Variants in RAP1GDS1 observed in about 807,000 individuals in gnomAD.
The protein encoded by RAP1GDS1 is Rap1 GTPase-GDP dissociation stimulator 1.
RAP1GDS1 carries 35 observed loss-of-function variants against 71.1 expected under a neutral mutation model. The observed-to-expected ratio is 0.49, with a 90% confidence interval of 0.38 to 0.65. The LOEUF (loss-of-function observed/expected upper bound fraction) is 0.65, where lower values mean the gene tolerates loss of function less well. Ranked by LOEUF, RAP1GDS1 falls within the 30% of genes least tolerant of loss-of-function variation. The pLI is 0.00. For missense variants in RAP1GDS1, 663 were observed against 706.1 expected, an observed-to-expected ratio of 0.94 and a Z score of 0.69; for synonymous variants, 229 against 243.1, an observed-to-expected ratio of 0.94 and a Z score of 0.54.
chr4:98,407,242 CTTTTT>C (rs999018091), intron 7 of RAP1GDS1, among the ~76,000 whole-genome samples: 26 of 150,938 alleles, frequency 1.7e-4, no homozygotes, highest in African/African-American at 6.3e-4. Flanking sequence ...AATCTTCTCT[CTTTTT>C]TTTTGTTAAT....
chr4:98,417,360 C>CA lies in RAP1GDS1; in HGVS notation c.908-7_908-6insA, dbSNP rs748546719. On this transcript the variant is annotated splice_polypyrimidine_tract_variant and splice_region_variant and intron_variant, in intron 8 of 14. Coordinates refer to ENST00000408927, the MANE Select transcript of RAP1GDS1 (RefSeq NM_001100427.2). ...CTTGCTTAACTATTCGTTTCATTTA[C>CA]CTCCAGATGAATCCATGCAGAAGTT... 1 of 1,606,678 alleles carries CA rather than the reference C, an allele frequency of 6.2e-7. No homozygotes were observed. The highest frequency in any genetic ancestry group is 1.1e-5 in the South Asian group (1 of 90,032).
chr4:98,421,502 G>C (rs1057105447), intron 12 of RAP1GDS1, 108 bp downstream of exon 12: 2 of 1,200,418 alleles, frequency 1.7e-6, no homozygotes, highest in Non-Finnish European at 1.1e-6. Flanking sequence ...AAAGTATTGT[G>C]AAGATTCAGT....
intron 12 of RAP1GDS1, among the ~76,000 whole-genome samples, chr4:98,424,417 CA>C (rs896719619): frequency 1.3e-5 from 2 of 151,706 alleles, no homozygotes; most frequent in African/African-American, 2.4e-5. Flanking sequence ...ACAAAAATCA[CA>C]AAAAAAACTC....
At chr4:98,291,286 A>G (rs1196181966) in intron 1 of RAP1GDS1, among the ~76,000 whole-genome samples, 1 of 152,160 alleles carries the variant, frequency 6.6e-6, no homozygotes, top group Non-Finnish European at 1.5e-5. Context: ...ACTAGACCAT[A>G]TGTTGATATA....
At chr4:98,367,816 C>T (rs1304380671) in intron 4 of RAP1GDS1, among the ~76,000 whole-genome samples, 1 of 152,056 alleles carries the variant, frequency 6.6e-6, no homozygotes, top group Non-Finnish European at 1.5e-5. Flanking sequence ...GCCTATAGCC[C>T]CATTGTATCT....
At chr4:98,301,828 C>T (rs1292239001) in intron 2 of RAP1GDS1, among the ~76,000 whole-genome samples, 2 of 152,090 alleles carry the variant, frequency 1.3e-5, no homozygotes, top group African/African-American at 2.4e-5. Context: ...TGGAGTTGTT[C>T]ACCTTTATAT....
At chr4:98,410,134 CTT>C (rs1187006603) in intron 7 of RAP1GDS1, among the ~76,000 whole-genome samples, 2 of 151,860 alleles carry the variant, frequency 1.3e-5, no homozygotes, top group African/African-American at 4.8e-5. Flanking sequence ...AGTTAAAACT[CTT>C]TTTTTAAAGA....
At chr4:98,425,051 C>T (rs918053964) in intron 12 of RAP1GDS1, among the ~76,000 whole-genome samples, 2 of 152,164 alleles carry the variant, frequency 1.3e-5, no homozygotes, top group African/African-American at 4.8e-5. Context: ...AGCAGAACCC[C>T]TACAAGCTAG....
intron 2 of RAP1GDS1, among the ~76,000 whole-genome samples, chr4:98,325,666 G>T (rs1179940235): frequency 6.7e-6 from 1 of 148,804 alleles, no homozygotes; most frequent in African/African-American, 2.5e-5. Flanking sequence ...GTAAACTATC[G>T]CAAGAACAAA....
intron 2 of RAP1GDS1, among the ~76,000 whole-genome samples, chr4:98,331,713 G>C (rs781638557): frequency 8.5e-5 from 13 of 152,074 alleles, no homozygotes; most frequent in Non-Finnish European, 1.8e-4. Context: ...TACAAGATGA[G>C]AGATACATTC....
At chr4:98,288,877 C>T (rs1473889657) in intron 1 of RAP1GDS1, among the ~76,000 whole-genome samples, 5 of 151,988 alleles carry the variant, frequency 3.3e-5, no homozygotes, top group African/African-American at 4.8e-5. Context: ...CATCTGTAGC[C>T]GCAGCAGCAG....
chr4:98,436,374 CTT>C (rs1024410283), intron 13 of RAP1GDS1, among the ~76,000 whole-genome samples: 4 of 152,126 alleles, frequency 2.6e-5, no homozygotes, highest in Non-Finnish European at 5.9e-5. Flanking sequence ...ATTCCTCACA[CTT>C]TATTCTTCTT....
In RAP1GDS1 at chr4:98,363,417, T is replaced by G. The variant is rs1478036604; in HGVS notation, c.361+10816T>G. 1.4e-4 allele frequency among the ~76,000 whole-genome samples: 19 copies of G among 137,484 alleles called. No homozygotes were observed. In the South Asian group the frequency reaches 1.6e-3, roughly 12 times the overall value. 90.2% of individuals were successfully genotyped at this position (137,484 alleles called of 152,430 possible). A position where few individuals can be genotyped will look rare whatever the true frequency, so the allele number is the denominator to read the frequency against. On this transcript the variant is annotated intron_variant, in intron 4 of 14. Coordinates refer to ENST00000408927, the MANE Select transcript of RAP1GDS1 (RefSeq NM_001100427.2). ...GAGGATCACTTGAGCCCAGGAGTTCTAGGCTGCAGTGAGCCATCACACCAC... is the reference window on the plus strand; with the variant it reads ...GAGGATCACTTGAGCCCAGGAGTTCGAGGCTGCAGTGAGCCATCACACCAC...
At chr4:98,382,548 G>T (rs1306911815) in intron 5 of RAP1GDS1, among the ~76,000 whole-genome samples, 2 of 151,214 alleles carry the variant, frequency 1.3e-5, no homozygotes, top group Non-Finnish European at 3.0e-5. Context: ...TATAATCCAA[G>T]GAACTCAAAC....
intron 4 of RAP1GDS1, among the ~76,000 whole-genome samples, chr4:98,371,028 G>A (rs1479858019): frequency 6.6e-5 from 10 of 152,002 alleles, no homozygotes; most frequent in Non-Finnish European, 1.0e-4. Context: ...TGAATGTGTG[G>A]ATTTATCCCT....
At chr4:98,435,322 T>A (rs1750986263) in intron 13 of RAP1GDS1, among the ~76,000 whole-genome samples, 2 of 152,198 alleles carry the variant, frequency 1.3e-5, no homozygotes, top group Non-Finnish European at 2.9e-5. Flanking sequence ...GATATCTGTC[T>A]CCTTGAATGG....
chr4:98,404,741 T>C (rs1222347519), intron 7 of RAP1GDS1, 139 bp downstream of exon 7: 4 of 1,040,126 alleles, frequency 3.8e-6, no homozygotes, highest in East Asian at 3.0e-5. Context: ...TCTCTAACTT[T>C]AGCTATGTTA....
intron 12 of RAP1GDS1, among the ~76,000 whole-genome samples, chr4:98,425,198 A>G (rs1208850019): frequency 6.6e-6 from 1 of 152,202 alleles, no homozygotes; most frequent in Non-Finnish European, 1.5e-5. Context: ...GAGAGAATTC[A>G]CCACTACCAA....
At chr4:98,367,200 G>A (rs1353206663) in intron 4 of RAP1GDS1, among the ~76,000 whole-genome samples, 1 of 152,194 alleles carries the variant, frequency 6.6e-6, no homozygotes, top group Non-Finnish European at 1.5e-5. Context: ...AGGGGCCAAG[G>A]TACAGCTCAG....
Sources: gnomAD v4.1 joint callset for allele counts (sites outside exome capture counted in the v4.1 genomes callset) on GRCh38, gnomAD v4.1.1 for gene constraint, MANE v1.5 for transcripts, NCBI Gene and HGNC (gene_info 2026-07-23, HGNC 2026-07-21) for gene names.